The following SLC22A16 variants were observed in gnomAD, a reference collection of about 807,000 sequenced individuals.
SLC22A16 encodes the protein solute carrier family 22 member 16.
A neutral mutation model predicts 52.9 loss-of-function variants in SLC22A16; 53 were observed. The ratio of observed to expected loss-of-function variants is 1.00; its 90% confidence interval spans 0.80 to 1.26. The LOEUF (loss-of-function observed/expected upper bound fraction) is 1.26, where lower values mean the gene tolerates loss of function less well. SLC22A16 is among the 50% of genes most tolerant of loss of function. The pLI is 0.00. For synonymous variants in SLC22A16, 291 were observed against 268.8 expected (o/e 1.08, Z -0.81); for missense variants, 726 against 704.0 (o/e 1.03, Z -0.35).
At position 110,457,894 on chromosome 6, in the gene SLC22A16, C is replaced by T. The variant is rs547213965; in HGVS notation, c.54-877G>A. ...TTAGCAGACCAGGAAAGGGAGTCTC[C>T]CTTTCCCCAGGGGAGTTTAGAGAAG... On this transcript the variant is annotated intron_variant, in intron 1 of 7. Transcript: ENST00000368919. Among the ~76,000 whole-genome samples the T allele has an allele frequency of 3.3e-5, 5 of 152,152 alleles. No homozygotes were observed. The South Asian group carries it at 8.3e-4, about 25-fold the overall frequency.
intron 7 of SLC22A16, among the ~76,000 whole-genome samples, chr6:110,428,705 C>T (rs1457011503): frequency 6.6e-6 from 1 of 152,224 alleles, no homozygotes; most frequent in East Asian, 1.9e-4. Context: ...CACCTGAGGT[C>T]AGGAGTTCGA....
At chr6:110,427,476 CA>C (rs1466677815) in intron 7 of SLC22A16, among the ~76,000 whole-genome samples, 3 of 152,094 alleles carry the variant, frequency 2.0e-5, no homozygotes, top group Non-Finnish European at 4.4e-5. Context: ...AAATATTACG[CA>C]AAAGGCACTT....
intron 1 of SLC22A16, among the ~76,000 whole-genome samples, chr6:110,462,318 C>G (rs1775913093): frequency 6.6e-6 from 1 of 152,116 alleles, no homozygotes; most frequent in Non-Finnish European, 1.5e-5. Context: ...TTTGACACCT[C>G]CAAACATTAC....
At chr6:110,468,249 G>C (rs925356827) in intron 1 of SLC22A16, among the ~76,000 whole-genome samples, 1 of 152,216 alleles carries the variant, frequency 6.6e-6, no homozygotes, top group Non-Finnish European at 1.5e-5. Context: ...CTTTGGGATG[G>C]GCAGCCAACA....
chr6:110,435,111 T>C (rs1253641389), intron 6 of SLC22A16, among the ~76,000 whole-genome samples: 1 of 152,192 alleles, frequency 6.6e-6, no homozygotes, highest in African/African-American at 2.4e-5. Flanking sequence ...AACCTCCAGA[T>C]AAGGTAATCT....
Position 110,446,873 on chromosome 6 carries a change from C to A in SLC22A16, c.651G>T (p.Met217Ile), listed in dbSNP as rs1309824525. The stretch of plus-strand genomic sequence containing the variant: ...TAAAGAAGTAAAAAACACAACTCAC[C>A]ATGGCAAGAAAAAAGCGAGCAGCCA... The part of the protein sequence containing the change: ...TFMAARFFLA[M>I]VASGYLVVGF... Residue 217 changes from methionine (M) to isoleucine (I), a missense_variant and splice_region_variant, in exon 3 of 8, where the codon ATG becomes ATT. Physicochemically the swap from Met to Ile is conservative, Grantham distance 10. Coordinates refer to ENST00000368919, the MANE Select transcript of SLC22A16 (RefSeq NM_033125.4). The A allele has an allele frequency of 1.9e-6, 3 of 1,607,852 alleles. No individual in the cohort carries two copies. The highest frequency in any genetic ancestry group is 3.4e-5 in the Admixed American group (2 of 58,634).
At chr6:110,464,882 A>C (rs916665581) in intron 1 of SLC22A16, among the ~76,000 whole-genome samples, 1 of 152,120 alleles carries the variant, frequency 6.6e-6, no homozygotes, top group African/African-American at 2.4e-5. Context: ...TAGATACAAA[A>C]ATCCTCAACA....
At chr6:110,451,487 T>C (rs1428344848) in intron 2 of SLC22A16, among the ~76,000 whole-genome samples, 1 of 152,208 alleles carries the variant, frequency 6.6e-6, no homozygotes, top group Non-Finnish European at 1.5e-5. Context: ...CTTCTGACTT[T>C]TGACAACTGG....
At chr6:110,425,460 C>T in intron 7 of SLC22A16, 2 of 1,287,490 alleles carry the variant, frequency 1.6e-6, no homozygotes, top group Non-Finnish European at 2.0e-6. Flanking sequence ...AGTAACTGAG[C>T]CCTGGGTCAG....
intron 2 of SLC22A16, among the ~76,000 whole-genome samples, chr6:110,452,829 T>C (rs2114973531): frequency 1.3e-5 from 2 of 152,360 alleles, no homozygotes; most frequent in East Asian, 3.9e-4. Flanking sequence ...TCAAATGCTT[T>C]TCCTATATGT....
At position 110,461,429 on chromosome 6, in the gene SLC22A16, C is replaced by T. The variant is rs375570556; in HGVS notation, c.54-4412G>A. On this transcript the variant is annotated intron_variant, in intron 1 of 7. Transcript: ENST00000368919. ...TGCAGCCCCCTGCTGGCCCCTACCCCTGAGACCTCAGAACCCCCATCAAGG... is the reference window on the plus strand; with the variant it reads ...TGCAGCCCCCTGCTGGCCCCTACCCTTGAGACCTCAGAACCCCCATCAAGG... Among the ~76,000 whole-genome samples, 297 of 152,322 alleles carry T rather than the reference C, an allele frequency of 1.9e-3. 2 individuals are homozygous for T. The highest frequency in any genetic ancestry group is 7.0e-3 in the African/African-American group (290 of 41,568).
chr6:110,469,510 T>C (rs1260029985), intron 1 of SLC22A16, among the ~76,000 whole-genome samples: 3 of 152,352 alleles, frequency 2.0e-5, no homozygotes, highest in Non-Finnish European at 4.4e-5. Flanking sequence ...ATCGTGCCAC[T>C]GCACTCTAGC....
At chr6:110,441,840 G>T (rs1322175952) in intron 4 of SLC22A16, among the ~76,000 whole-genome samples, 1 of 152,130 alleles carries the variant, frequency 6.6e-6, no homozygotes, top group Non-Finnish European at 1.5e-5. Flanking sequence ...ATCTTAAAAA[G>T]TCTGTACGCG....
intron 1 of SLC22A16, among the ~76,000 whole-genome samples, chr6:110,457,501 C>T (rs377321986): frequency 1.3e-5 from 2 of 152,106 alleles, no homozygotes; most frequent in African/African-American, 2.4e-5. Flanking sequence ...AGACCGAGCA[C>T]GAGCTGTTCC....
chr6:110,425,016 G>A lies in SLC22A16; in HGVS notation c.1591C>T (p.Arg531Trp), dbSNP rs367841451. The A allele has an allele frequency of 3.5e-5, 57 of 1,613,962 alleles. 1 individual carries two copies. The highest frequency in any genetic ancestry group is 1.3e-4 in the African/African-American group (10 of 74,880). ...TLKLPETLGK[R>W]LATTWEEAAK... ...GCCTCCTCCCAAGTAGTTGCTAGCC[G>A]TTTCCCAAGGGTTTCTGGAAGCTTT... is the stretch of plus-strand genomic sequence containing the variant. The change falls in exon 8 of 8, where the codon CGG (arginine) becomes TGG (tryptophan). Residue 531 changes from arginine to tryptophan, a missense_variant. Physicochemically the swap from Arg to Trp is moderately radical, Grantham distance 101 (BLOSUM62 -3). Transcript: ENST00000368919.
intron 4 of SLC22A16, among the ~76,000 whole-genome samples, chr6:110,441,688 A>G (rs56213900): frequency 0.065 from 9,919 of 152,264 alleles, 396 homozygotes; most frequent in Non-Finnish European, 0.091. Context: ...ATCACCAGAG[A>G]GTCCTTCTCC....
intron 2 of SLC22A16, among the ~76,000 whole-genome samples, chr6:110,454,870 ATATAATATATATAT>A (rs1374420451): frequency 2.4e-5 from 2 of 83,950 alleles, no homozygotes; most frequent in Non-Finnish European, 4.3e-5. Context: ...GTTATATTAT[ATATAATATATATAT>A]TATAATATAT....
intron 1 of SLC22A16, among the ~76,000 whole-genome samples, chr6:110,458,007 C>T (rs984671345): frequency 6.6e-6 from 1 of 152,222 alleles, no homozygotes. Flanking sequence ...CCCTGTGATG[C>T]TGTGCTTCAG....
intron 1 of SLC22A16, 27 bp from the exon 2 acceptor site, chr6:110,457,044 A>C (rs978919792): frequency 6.6e-7 from 1 of 1,514,154 alleles, no homozygotes; most frequent in African/African-American, 1.4e-5. Context: ...GCTAATTATT[A>C]TATCTGGTCT....
Sources: gnomAD v4.1 joint callset for allele counts (sites outside exome capture counted in the v4.1 genomes callset) on GRCh38, gnomAD v4.1.1 for gene constraint, MANE v1.5 for transcripts, NCBI Gene and HGNC (gene_info 2026-07-23, HGNC 2026-07-21) for gene names.